The following CADM2 variants were observed in gnomAD, a reference collection of about 807,000 sequenced individuals.
The protein encoded by CADM2 is cell adhesion molecule 2.
A neutral mutation model predicts 49.8 loss-of-function variants in CADM2; 12 were observed. That is an observed-to-expected ratio of 0.24 (90% confidence interval 0.15 to 0.39). The LOEUF (loss-of-function observed/expected upper bound fraction) is 0.39, where lower values mean the gene tolerates loss of function less well. CADM2 is among the 10% of genes least tolerant of loss of function. CADM2 has a pLI of 1.00. For missense variants in CADM2, 378 were observed against 492.3 expected, an observed-to-expected ratio of 0.77 and a Z score of 2.20; for synonymous variants, 214 against 175.4, an observed-to-expected ratio of 1.22 and a Z score of -1.74.
intron 1 of CADM2, among the ~76,000 whole-genome samples, chr3:85,289,885 A>G (rs954548426): frequency 1.3e-5 from 2 of 152,244 alleles, no homozygotes; most frequent in Non-Finnish European, 2.9e-5. Context: ...GATATTAGAT[A>G]TGTTAAATAA....
chr3:85,038,938 A>C (rs1451322857), intron 1 of CADM2, among the ~76,000 whole-genome samples: 2 of 152,184 alleles, frequency 1.3e-5, no homozygotes, highest in Non-Finnish European at 2.9e-5. Flanking sequence ...TGAATGGAGG[A>C]GTTTGTATCA....
chr3:85,370,222 A>AATAATC (rs2033115794), intron 1 of CADM2, among the ~76,000 whole-genome samples: 1 of 138,152 alleles, frequency 7.2e-6, no homozygotes, highest in African/African-American at 2.7e-5. Flanking sequence ...TCAAAATAAT[A>AATAATC]ATAATAATAA....
chr3:85,107,177 CTT>C (rs1206126491), intron 1 of CADM2, among the ~76,000 whole-genome samples: 10 of 151,970 alleles, frequency 6.6e-5, no homozygotes, highest in East Asian at 1.9e-4. Context: ...TATTGATACT[CTT>C]AAATAAATTT....
chr3:85,658,630 A>G (rs1458813094), intron 1 of CADM2, among the ~76,000 whole-genome samples: 1 of 136,202 alleles, frequency 7.3e-6, no homozygotes, highest in Admixed American at 7.5e-5. Flanking sequence ...ATGTATGCAT[A>G]TGTTTGTTTA....
At chr3:85,431,360 C>T (rs376076166) in intron 1 of CADM2, among the ~76,000 whole-genome samples, 5 of 152,032 alleles carry the variant, frequency 3.3e-5, no homozygotes, top group East Asian at 3.9e-4. Context: ...CTAATAAATA[C>T]GAGCTAAATT....
chr3:85,938,179 CTT>C (rs1403743112), intron 7 of CADM2, among the ~76,000 whole-genome samples: 1 of 152,018 alleles, frequency 6.6e-6, no homozygotes, highest in Non-Finnish European at 1.5e-5. Flanking sequence ...GCATTAATCT[CTT>C]TAAAAACAGT....
chr3:85,162,824 C>T (rs2040366819), intron 1 of CADM2, among the ~76,000 whole-genome samples: 1 of 151,826 alleles, frequency 6.6e-6, no homozygotes, highest in Non-Finnish European at 1.5e-5. Context: ...TATATAAACC[C>T]TATGTTTTGA....
chr3:85,767,664 A>G (rs2069725704), intron 2 of CADM2, among the ~76,000 whole-genome samples: 1 of 152,156 alleles, frequency 6.6e-6, no homozygotes, highest in Admixed American at 6.6e-5. Flanking sequence ...TCCACATCCC[A>G]AAATGCTAAA....
intron 3 of CADM2, among the ~76,000 whole-genome samples, chr3:85,839,150 A>G (rs2074530679): frequency 6.6e-6 from 1 of 151,766 alleles, no homozygotes; most frequent in African/African-American, 2.4e-5. Context: ...GTAGTACCCT[A>G]ATTAACATTG....
At chr3:85,516,478 A>T (rs576553811) in intron 1 of CADM2, among the ~76,000 whole-genome samples, 22 of 152,312 alleles carry the variant, frequency 1.4e-4, no homozygotes, top group Non-Finnish European at 2.6e-4. Flanking sequence ...TAGAAAAAAT[A>T]GAAGGAAAAT....
Position 85,123,385 on chromosome 3 carries a change from C to T in CADM2, c.61+163717C>T, listed in dbSNP as rs550730023. Among the ~76,000 whole-genome samples, 84 of 152,142 alleles carry T rather than the reference C, an allele frequency of 5.5e-4. No individual in the cohort carries two copies. In the South Asian group the frequency reaches 6.0e-3, roughly 11 times the overall value. On this transcript the variant is annotated intron_variant, in intron 1 of 9. Coordinates refer to ENST00000383699, the MANE Select transcript of CADM2 (RefSeq NM_001167675.2). ...TAGTCATAAGATTTATGTGTAAAAA[C>T]GTATAATTTTATTGTAATCTTTTTT...
intron 1 of CADM2, among the ~76,000 whole-genome samples, chr3:85,679,145 G>C (rs2065969010): frequency 6.6e-6 from 1 of 151,990 alleles, no homozygotes; most frequent in Admixed American, 6.6e-5. Context: ...ATAAAAGGAA[G>C]ACAAAATATA....
chr3:85,759,691 A>T (rs1031830852), intron 2 of CADM2, among the ~76,000 whole-genome samples: 1 of 152,100 alleles, frequency 6.6e-6, no homozygotes, highest in Non-Finnish European at 1.5e-5. Flanking sequence ...GCTGCAAGAG[A>T]TTCTGGAAAT....
chr3:85,118,031 T>C (rs939104008), intron 1 of CADM2, among the ~76,000 whole-genome samples: 2 of 152,136 alleles, frequency 1.3e-5, no homozygotes, highest in Non-Finnish European at 1.5e-5. Flanking sequence ...TAGTTTCTTC[T>C]GTGACTTCTC....
intron 1 of CADM2, among the ~76,000 whole-genome samples, chr3:85,177,770 C>A (rs1334402631): frequency 6.6e-6 from 1 of 151,704 alleles, no homozygotes; most frequent in African/African-American, 2.4e-5. Context: ...AAGCACCATA[C>A]AATACTGTTG....
chr3:85,391,093 G>T (rs542316487), intron 1 of CADM2, among the ~76,000 whole-genome samples: 1 of 152,150 alleles, frequency 6.6e-6, no homozygotes, highest in East Asian at 1.9e-4. Flanking sequence ...AGTATGTGCT[G>T]ATTACCTCCA....
chr3:85,238,402 A>G (rs1247427684), intron 1 of CADM2, among the ~76,000 whole-genome samples: 6 of 152,000 alleles, frequency 3.9e-5, no homozygotes, highest in Non-Finnish European at 7.4e-5. Context: ...AAGCAATTGT[A>G]TAGAAAATAA....
intron 7 of CADM2, among the ~76,000 whole-genome samples, chr3:85,948,880 G>T (rs1723058375): frequency 6.6e-6 from 1 of 151,388 alleles, no homozygotes; most frequent in African/African-American, 2.4e-5. Flanking sequence ...TACCACAAGT[G>T]CTTCAAGGAA....
In CADM2 at chr3:86,066,324, C is replaced by T. The variant is rs905859641; in HGVS notation, c.1097-341C>T. ...CTCCAGCCTGGGCGAGAGAGCGAGA[C>T]TCCGTCTCAAAAAAAAAAAAAAAAA... On this transcript the variant is annotated intron_variant, in intron 9 of 9. Transcript: ENST00000383699. Among the ~76,000 whole-genome samples the T allele has an allele frequency of 1.5e-4, 7 of 48,074 alleles. 1 individual carries two copies. The highest frequency in any genetic ancestry group is 7.8e-4 in the African/African-American group (2 of 2,566). The allele number at this position is 48,074 out of a possible 152,430, so 31.5% of individuals were successfully genotyped here. A position where few individuals can be genotyped will look rare whatever the true frequency, so the allele number is the denominator to read the frequency against.
Sources: gnomAD v4.1 joint callset for allele counts (sites outside exome capture counted in the v4.1 genomes callset) on GRCh38, gnomAD v4.1.1 for gene constraint, MANE v1.5 for transcripts, NCBI Gene and HGNC (gene_info 2026-07-23, HGNC 2026-07-21) for gene names.